Variants in KCNK4 observed in about 807,000 individuals in gnomAD.
KCNK4 encodes potassium two pore domain channel subfamily K member 4.
In KCNK4, 22 loss-of-function variants were observed where a neutral mutation model predicts 28.8. That is an observed-to-expected ratio of 0.76 (90% CI 0.55 to 1.09). KCNK4 has a LOEUF of 1.09. Ranked by LOEUF, KCNK4 falls within the 50% of genes least tolerant of loss-of-function variation. The probability of loss-of-function intolerance (pLI) is 0.00; values close to 1 mark genes in which losing one functional copy is unlikely to be tolerated. For missense variants in KCNK4, 483 were observed against 546.3 expected (o/e 0.88, Z 1.15); for synonymous variants, 263 against 252.9 (o/e 1.04, Z -0.38).
chr11:64,298,763 C>CG (rs1388164752), intron 6 of KCNK4, among the ~76,000 whole-genome samples: 9 of 152,042 alleles, frequency 5.9e-5, no homozygotes, highest in Middle Eastern at 3.4e-3. Flanking sequence ...TTTATTATGG[C>CG]GGGGGGCAGT....
intron 1 of KCNK4, chr11:64,292,007 C>T (rs1258165686): frequency 1.7e-6 from 2 of 1,186,996 alleles, no homozygotes; most frequent in Non-Finnish European, 2.1e-6. Context: ...TGCTGTCTGG[C>T]GTGTGCACGC....
intron 1 of KCNK4, chr11:64,292,104 G>C (rs1184736627): frequency 1.8e-6 from 2 of 1,081,734 alleles, no homozygotes; most frequent in Non-Finnish European, 1.1e-6. Context: ...GGCGTCTGCG[G>C]AGAGTGCAGG....
intron 6 of KCNK4, among the ~76,000 whole-genome samples, chr11:64,299,082 C>G (rs1166995901): frequency 7.0e-6 from 1 of 142,354 alleles, no homozygotes; most frequent in Non-Finnish European, 1.5e-5. Flanking sequence ...AAGCATGTCC[C>G]AAATATTGCA....
Position 64,299,523 on chromosome 11 carries a change from C to T in KCNK4, c.979C>T (p.Gln327Ter), listed in dbSNP as rs757684837. 1.4e-5 allele frequency: 23 copies of T among 1,609,926 alleles called. No homozygotes were observed. The highest frequency in any genetic ancestry group is 1.9e-5 in the Non-Finnish European group (22 of 1,178,920). Residue 327 changes from glutamine (Q) to a stop codon, truncating the protein, a stop_gained, in exon 7 of 7, where the codon CAG becomes TAG. Coordinates refer to ENST00000422670, the MANE Select transcript of KCNK4 (RefSeq NM_033310.3). LOFTEE classifies it high-confidence loss of function. ...PRSPSPPEKA[Q>*]PPSPPTASAL... Reference sequence around the variant, plus strand: ...ATCCCCTTCGCCCCCCGAGAAGGCTCAGCCGCCTTCCCCGCCCACGGCCTC... The same window carrying T: ...ATCCCCTTCGCCCCCCGAGAAGGCTTAGCCGCCTTCCCCGCCCACGGCCTC...
At position 64,298,182 on chromosome 11, in the gene KCNK4, A is replaced by G; in HGVS notation, c.734A>G (p.Tyr245Cys). ...TTCTGGATCCTGCTCGGCCTGGCTT[A>G]CTTCGCCTCAGTGCTCACCACCATC... ...VWFWILLGLA[Y>C]FASVLTTIGN... Residue 245 changes from tyrosine to cysteine, a missense_variant, in exon 6 of 7, where the codon TAC becomes TGC. Tyr to Cys is a radical substitution (Grantham distance 194). Coordinates refer to ENST00000422670, the MANE Select transcript of KCNK4 (RefSeq NM_033310.3). 1 of 1,613,776 alleles carries G rather than the reference A, an allele frequency of 6.2e-7. No individual in the cohort carries two copies. Among genetic ancestry groups the G allele is most frequent in the Non-Finnish European group, 8.5e-7 (1 of 1,180,018 alleles).
rs2034672844 is a variant in KCNK4 at position 64,292,961 on chromosome 11, G to A, written c.-58G>A. ...CCGCAGTGACGACAGCTCCCCAGGA[G>A]CCCCCCGCCCGGCCCCTCCAGGCGG... On this transcript the variant is annotated 5_prime_UTR_variant, in exon 2 of 7. Coordinates refer to ENST00000422670, the MANE Select transcript of KCNK4 (RefSeq NM_033310.3). 1.3e-6 allele frequency: 2 copies of A among 1,488,014 alleles called. No homozygotes were observed. Among genetic ancestry groups the A allele is most frequent in the East Asian group, 2.5e-5 (1 of 40,022 alleles). 92.2% of individuals were successfully genotyped at this position (1,488,014 alleles called of 1,614,324 possible).
chr11:64,298,000 G>T, intron 5 of KCNK4, 110 bp from the exon 6 acceptor site: 3 of 1,310,716 alleles, frequency 2.3e-6, no homozygotes. Context: ...CATACCCATT[G>T]CCCTAGGGAG....
chr11:64,293,281 T>A, intron 2 of KCNK4, 74 bp downstream of exon 2: 1 of 1,367,078 alleles, frequency 7.3e-7, no homozygotes, highest in Non-Finnish European at 9.5e-7. Flanking sequence ...AGTGAGGCCC[T>A]GTGCCAGTGC....
intron 1 of KCNK4, chr11:64,292,707 C>T (rs2034662778): frequency 7.0e-6 from 2 of 285,376 alleles, no homozygotes; most frequent in East Asian, 6.5e-5. Context: ...TTTCCCTTCT[C>T]GGTGCCCTCC....
Position 64,299,374 on chromosome 11 carries a change from G to A in KCNK4, c.830G>A (p.Ser277Asn). The A allele has an allele frequency of 1.3e-6, 2 of 1,573,024 alleles. No individual in the cohort carries two copies. Among genetic ancestry groups the A allele is most frequent in the Admixed American group, 1.8e-5 (1 of 55,100 alleles). Residue 277 changes from serine (S) to asparagine (N), a missense_variant, in exon 7 of 7, where the codon AGC becomes AAC. By Grantham distance (46) the Ser-to-Asn change is conservative (BLOSUM62 1). Transcript: ENST00000422670. The part of the protein sequence containing the change: ...EMGGLTAQAA[S>N]WTGTVTARVT... The stretch of plus-strand genomic sequence containing the variant: ...GGCGGCCTCACGGCTCAGGCTGCCA[G>A]CTGGACTGGCACGGTGACAGCGCGC...
rs549784752 is a variant in KCNK4 at position 64,299,917 on chromosome 11, T to C, written c.*191T>C. 1 of 1,090,668 alleles carries C rather than the reference T, an allele frequency of 9.2e-7. No individual in the cohort carries two copies. The allele number at this position is 1,090,668 out of a possible 1,614,324, so 67.6% of individuals were successfully genotyped here. The stretch of plus-strand genomic sequence containing the variant: ...TCCATCTCTAGACCCCCCCAAGGCT[T>C]TCTGTGTCGCTGCCCCGGGCGGGTG... On this transcript the variant is annotated 3_prime_UTR_variant, in exon 7 of 7. Coordinates refer to ENST00000422670, the MANE Select transcript of KCNK4 (RefSeq NM_033310.3).
rs771542870 is a variant in KCNK4 at position 64,294,515 on chromosome 11, C to CAAAAA, written c.189+1325_189+1329dup. 5.6e-4 allele frequency among the ~76,000 whole-genome samples: 52 copies of CAAAAA among 92,120 alleles called. 2 individuals are homozygous for CAAAAA. Among genetic ancestry groups the CAAAAA allele is most frequent in the East Asian group, 1.2e-3 (4 of 3,292 alleles). 60.4% of individuals were successfully genotyped at this position (92,120 alleles called of 152,430 possible). On this transcript the variant is annotated intron_variant, in intron 2 of 6. Transcript: ENST00000422670. Reference sequence around the variant, plus strand: ...CCAGCCCAGCCTGGATGATCGGTCTCAAAAAAAAAAAAAAAAAAAAAGAAA... The same window carrying CAAAAA: ...CCAGCCCAGCCTGGATGATCGGTCTCAAAAAAAAAAAAAAAAAAAAAAAAAAGAAA...
At chr11:64,299,050 G>GAAAAAAAAAAAAAAAAAAA in intron 6 of KCNK4, among the ~76,000 whole-genome samples, 1 of 85,076 alleles carries the variant, frequency 1.2e-5, no homozygotes, top group Non-Finnish European at 2.2e-5. Flanking sequence ...AAAAAAAGAA[G>GAAAAAAAAAAAAAAAAAAA]AAAAAAAAAA....
chr11:64,299,255 T>C, intron 6 of KCNK4, 91 bp from the exon 7 acceptor site: 1 of 1,221,836 alleles, frequency 8.2e-7, no homozygotes, highest in South Asian at 1.7e-5. Flanking sequence ...AGGGTTGGGG[T>C]TTGATCCCTG....
At chr11:64,292,066 G>A (rs1277874456) in intron 1 of KCNK4, 3 of 1,125,378 alleles carry the variant, frequency 2.7e-6, no homozygotes, top group South Asian at 3.6e-5. Context: ...GGCGCGGCCG[G>A]CACGCCCATG....
In KCNK4 at chr11:64,299,433, C is replaced by G; in HGVS notation, c.889C>G (p.Pro297Ala). ...GCGAGCCGGGCCCGCCGCCCCGCCG[C>G]CGGAGAAGGAGCAGCCACTGCTGCC... ...TQRAGPAAPP[P>A]EKEQPLLPPP... is the part of the protein sequence containing the mutation. The change falls in exon 7 of 7, where the codon CCG becomes GCG. Residue 297 changes from proline (P) to alanine (A), a missense_variant. Pro to Ala is a conservative substitution (Grantham distance 27). Coordinates refer to ENST00000422670, the MANE Select transcript of KCNK4 (RefSeq NM_033310.3). 1.3e-6 allele frequency: 2 copies of G among 1,590,628 alleles called. No homozygotes were observed. Among genetic ancestry groups the G allele is most frequent in the Non-Finnish European group, 1.7e-6 (2 of 1,171,122 alleles).
rs758480916 is a variant in KCNK4, at chr11:64,299,843, C to A, written c.*117C>A. 6.6e-7 allele frequency: 1 copy of A among 1,526,358 alleles called. No individual in the cohort carries two copies. The highest frequency in any genetic ancestry group is 8.8e-7 in the Non-Finnish European group (1 of 1,138,754). 94.6% of individuals were successfully genotyped at this position (1,526,358 alleles called of 1,614,324 possible). A position where few individuals can be genotyped will look rare whatever the true frequency, so the allele number is the denominator to read the frequency against. On this transcript the variant is annotated 3_prime_UTR_variant, in exon 7 of 7. Transcript: ENST00000422670. ...AGACTGAAGTCTGGGGAGGAGGCTA[C>A]AGTTGCCTCTCCGCCTCCTCCCTGG...
chr11:64,294,379 G>T (rs894008817), intron 2 of KCNK4, among the ~76,000 whole-genome samples: 2 of 151,902 alleles, frequency 1.3e-5, no homozygotes, highest in African/African-American at 4.8e-5. Context: ...TTAGCCGGGT[G>T]TGGTGGTGCA....
rs56097945 is a variant in KCNK4, at chr11:64,299,050, G to GAAAAAA, written c.802-278_802-273dup. Among the ~76,000 whole-genome samples, 16 of 85,076 alleles carry GAAAAAA rather than the reference G, an allele frequency of 1.9e-4. 2 individuals carry two copies. The highest frequency in any genetic ancestry group is 1.9e-4 in the African/African-American group (4 of 21,506). The allele number at this position is 85,076 out of a possible 152,430, so 55.8% of individuals were successfully genotyped here. On this transcript the variant is annotated intron_variant, in intron 6 of 6. Coordinates refer to ENST00000422670, the MANE Select transcript of KCNK4 (RefSeq NM_033310.3). Reference sequence around the variant, plus strand: ...AGCTAGACTTGTCTCAAAAAAAGAAGAAAAAAAAAAAAAAAAAAAAAAAGC... The same window carrying GAAAAAA: ...AGCTAGACTTGTCTCAAAAAAAGAAGAAAAAAAAAAAAAAAAAAAAAAAAAAAAAGC...
Sources: allele counts gnomAD v4.1 joint callset (sites outside exome capture counted in the v4.1 genomes callset), GRCh38; gene constraint gnomAD v4.1.1; transcripts MANE v1.5; gene names NCBI Gene and HGNC (gene_info 2026-07-23, HGNC 2026-07-21).